RGS6: variants seen among roughly 807,000 people sequenced by gnomAD.
The protein encoded by RGS6 is regulator of G-protein signaling 6.
A neutral mutation model predicts 78.5 loss-of-function variants in RGS6; 30 were observed. The ratio of observed to expected loss-of-function variants is 0.38; its 90% CI spans 0.29 to 0.52. RGS6 has a LOEUF of 0.52. Ranked by LOEUF, RGS6 falls within the 20% of genes least tolerant of loss-of-function variation. The probability of loss-of-function intolerance (pLI) is 0.85; values close to 1 mark genes in which losing one functional copy is unlikely to be tolerated. For missense variants in RGS6, 495 were observed against 609.7 expected (o/e 0.81, Z 1.98); for synonymous variants, 206 against 206.0 (o/e 1.00, Z 0.00).
At chr14:71,901,390 C>T in the RGS6 span, among the ~76,000 whole-genome samples, 1 of 152,162 alleles carries the variant, frequency 6.6e-6, no homozygotes, top group Non-Finnish European at 1.5e-5. Flanking sequence ...GCATTTTATA[C>T]AATGCTGGTA....
intron 2 of RGS6, among the ~76,000 whole-genome samples, chr14:72,322,272 CAAT>C (rs2072298817): frequency 6.6e-6 from 1 of 151,772 alleles, no homozygotes. Flanking sequence ...TATGAAAAAT[CAAT>C]AAATCATTAG....
intron 14 of RGS6, among the ~76,000 whole-genome samples, chr14:72,512,910 A>C (rs1014465180): frequency 2.6e-5 from 4 of 152,220 alleles, no homozygotes; most frequent in African/African-American, 9.6e-5. Context: ...GTGGCCAGGC[A>C]TGGCTATACA....
At chr14:72,368,767 C>T (rs1819056400) in intron 3 of RGS6, among the ~76,000 whole-genome samples, 1 of 152,172 alleles carries the variant, frequency 6.6e-6, no homozygotes, top group Non-Finnish European at 1.5e-5. Flanking sequence ...GAAGGAAGAA[C>T]TTTAAAAATG....
chr14:71,946,719 G>T (rs1425779821), intron 1 of RGS6, among the ~76,000 whole-genome samples: 1 of 152,112 alleles, frequency 6.6e-6, no homozygotes, highest in African/African-American at 2.4e-5. Flanking sequence ...GAGATGGCAA[G>T]AATGTACTTG....
At chr14:72,348,063 C>T (rs371181270) in intron 2 of RGS6, among the ~76,000 whole-genome samples, 10 of 152,196 alleles carry the variant, frequency 6.6e-5, no homozygotes, top group East Asian at 3.8e-4. Flanking sequence ...TATGGCGCTG[C>T]GAGAAGTTTC....
At chr14:71,992,011 G>A (rs965068735) in intron 2 of RGS6, among the ~76,000 whole-genome samples, 14 of 138,220 alleles carry the variant, frequency 1.0e-4, no homozygotes, top group Admixed American at 3.3e-4. Context: ...GCCTATGCTT[G>A]TCTAGAATAT....
At chr14:71,975,644 A>G (rs1416735283) in intron 2 of RGS6, among the ~76,000 whole-genome samples, 1 of 152,148 alleles carries the variant, frequency 6.6e-6, no homozygotes, top group Non-Finnish European at 1.5e-5. Flanking sequence ...TTTTTAGTAC[A>G]GTCGGGGTTT....
At chr14:72,501,170 A>T (rs867132885) in intron 13 of RGS6, among the ~76,000 whole-genome samples, 2 of 152,092 alleles carry the variant, frequency 1.3e-5, no homozygotes, top group African/African-American at 4.8e-5. Flanking sequence ...AGGGCCCAGG[A>T]TGTCACCGAC....
intron 1 of RGS6, among the ~76,000 whole-genome samples, chr14:71,941,224 C>G (rs1052589671): frequency 1.3e-5 from 2 of 152,190 alleles, no homozygotes; most frequent in African/African-American, 4.8e-5. Context: ...CCCTGCCTCT[C>G]ATGAGCGGTG....
chr14:72,429,079 A>G (rs896090135), intron 3 of RGS6, among the ~76,000 whole-genome samples: 1 of 152,200 alleles, frequency 6.6e-6, no homozygotes, highest in African/African-American at 2.4e-5. Flanking sequence ...GCACACACTT[A>G]TAGTCCCAGC....
At chr14:72,379,104 G>A (rs900628455) in intron 3 of RGS6, among the ~76,000 whole-genome samples, 3 of 152,038 alleles carry the variant, frequency 2.0e-5, no homozygotes, top group African/African-American at 7.2e-5. Flanking sequence ...TCCAAAGATG[G>A]AGAAAAAGCA....
At chr14:72,273,132 C>T in intron 2 of RGS6, among the ~76,000 whole-genome samples, 1 of 122,904 alleles carries the variant, frequency 8.1e-6, no homozygotes, top group East Asian at 2.3e-4. Context: ...AACTCCATCT[C>T]AAAAAAAAAA....
chr14:72,316,237 TTTTA>T (rs1420587894), intron 2 of RGS6, among the ~76,000 whole-genome samples: 1 of 152,226 alleles, frequency 6.6e-6, no homozygotes, highest in Non-Finnish European at 1.5e-5. Flanking sequence ...TTTTTATTTT[TTTTA>T]TTTTTTAAAT....
chr14:72,000,354 T>C (rs1427448525), intron 2 of RGS6, among the ~76,000 whole-genome samples: 1 of 152,112 alleles, frequency 6.6e-6, no homozygotes, highest in African/African-American at 2.4e-5. Flanking sequence ...TGAATAACAA[T>C]ACTTGGGAAA....
intron 3 of RGS6, among the ~76,000 whole-genome samples, chr14:72,426,739 C>G (rs1354165509): frequency 6.6e-6 from 1 of 152,218 alleles, no homozygotes; most frequent in Admixed American, 6.5e-5. Context: ...AGCTCCTTTT[C>G]CACATGGGTG....
the RGS6 span, among the ~76,000 whole-genome samples, chr14:71,921,112 TC>T: frequency 2.0e-5 from 3 of 152,274 alleles, no homozygotes; most frequent in Admixed American, 6.5e-5. Flanking sequence ...ATGCTCAACA[TC>T]ACTAATCATC....
At position 72,351,232 on chromosome 14, in the gene RGS6, C is replaced by A. The variant is rs566819510; in HGVS notation, c.85-863C>A. On this transcript the variant is annotated intron_variant, in intron 2 of 17. Coordinates refer to ENST00000553525, the MANE Select transcript of RGS6 (RefSeq NM_001204424.2). ...TCCCCTTCAGTTGCTCTCCCTTCCC[C>A]AAACAAAAAGATGTATCCTTATTAC... 5.9e-5 allele frequency among the ~76,000 whole-genome samples: 9 copies of A among 152,230 alleles called. No homozygotes were observed. The South Asian group carries it at 1.5e-3, about 25-fold the overall frequency.
At chr14:71,923,183 G>A in the RGS6 span, among the ~76,000 whole-genome samples, 1 of 152,230 alleles carries the variant, frequency 6.6e-6, no homozygotes, top group Admixed American at 6.5e-5. Context: ...TCTAGTGGAG[G>A]TGGGATTAGG....
chr14:72,547,407 G>C (rs1223536457), intron 17 of RGS6: 1 of 1,322,312 alleles, frequency 7.6e-7, no homozygotes, highest in East Asian at 2.6e-5. Context: ...CCCCCAAAAT[G>C]AGCTCCTGGT....
Sources: allele counts gnomAD v4.1 joint callset (sites outside exome capture counted in the v4.1 genomes callset), GRCh38; gene constraint gnomAD v4.1.1; transcripts MANE v1.5; gene names NCBI Gene and HGNC (gene_info 2026-07-23, HGNC 2026-07-21).